DLC1: variants seen among roughly 807,000 people sequenced by gnomAD.
DLC1 encodes the protein DLC1 Rho GTPase activating protein, also known as rho GTPase-activating protein 7.
DLC1 carries 54 observed loss-of-function variants against 140.3 expected under a neutral mutation model. That is an observed-to-expected ratio of 0.38 (90% confidence interval 0.31 to 0.48). The LOEUF is 0.48. DLC1 is among the 20% of genes least tolerant of loss of function. DLC1 has a pLI of 0.96. For synonymous variants in DLC1, 986 were observed against 728.1 expected (o/e 1.35, Z -5.70); for missense variants, 2,536 against 1,907.0 (o/e 1.33, Z -6.14).
intron 5 of DLC1, among the ~76,000 whole-genome samples, chr8:13,156,864 A>T (rs991530845): frequency 1.1e-4 from 17 of 152,202 alleles, no homozygotes; most frequent in Non-Finnish European, 2.9e-5. Context: ...GTTAAAGTCA[A>T]TGTATATTTT....
chr8:13,372,682 G>A lies in DLC1; in HGVS notation c.1314+20871C>T, dbSNP rs371452077. 2.6e-5 allele frequency among the ~76,000 whole-genome samples: 4 copies of A among 152,176 alleles called. No homozygotes were observed. The East Asian group carries it at 5.8e-4, about 22-fold the overall frequency. On this transcript the variant is annotated intron_variant, in intron 4 of 17. Coordinates refer to ENST00000276297, the MANE Select transcript of DLC1 (RefSeq NM_182643.3). Reference sequence around the variant, plus strand: ...CATCTTTGTGAGTAAAAAGGAACACGTCATTGATAGTGGAAAGTTCAAGGC... The same window carrying A: ...CATCTTTGTGAGTAAAAAGGAACACATCATTGATAGTGGAAAGTTCAAGGC...
chr8:13,382,609 T>C (rs907027213), intron 4 of DLC1, among the ~76,000 whole-genome samples: 28 of 151,318 alleles, frequency 1.9e-4, no homozygotes, highest in Non-Finnish European at 3.7e-4. Context: ...AAATAAAACT[T>C]TGTTTCTTCA....
At chr8:13,167,344 T>C (rs557000974) in intron 5 of DLC1, among the ~76,000 whole-genome samples, 2 of 152,164 alleles carry the variant, frequency 1.3e-5, no homozygotes, top group South Asian at 4.2e-4. Context: ...ATATGAGGGG[T>C]TTGGGGACTC....
chr8:13,525,103 C>A (rs1166270052), intron 1 of DLC1, among the ~76,000 whole-genome samples: 2 of 152,068 alleles, frequency 1.3e-5, no homozygotes, highest in African/African-American at 4.8e-5. Flanking sequence ...ATGTATGTAC[C>A]TTTTGTGGCT....
At chr8:13,381,044 G>T (rs936492986) in intron 4 of DLC1, among the ~76,000 whole-genome samples, 14 of 152,166 alleles carry the variant, frequency 9.2e-5, no homozygotes, top group African/African-American at 3.1e-4. Context: ...AGACATGGAG[G>T]GCTTGACATG....
At chr8:13,197,884 A>T (rs760325132) in intron 5 of DLC1, among the ~76,000 whole-genome samples, 4 of 152,098 alleles carry the variant, frequency 2.6e-5, no homozygotes, top group Non-Finnish European at 5.9e-5. Context: ...ATTAGTTTAA[A>T]CTTCTTTTTG....
intron 2 of DLC1, among the ~76,000 whole-genome samples, chr8:13,409,529 A>T (rs1263553232): frequency 6.6e-6 from 1 of 152,180 alleles, no homozygotes; most frequent in Non-Finnish European, 1.5e-5. Context: ...ACAATATTGC[A>T]TTGGACCTAC....
At chr8:13,436,884 T>C (rs1244895708) in intron 2 of DLC1, among the ~76,000 whole-genome samples, 1 of 152,342 alleles carries the variant, frequency 6.6e-6, no homozygotes, top group East Asian at 1.9e-4. Context: ...GTCTAATTTG[T>C]AGCAATGGAA....
chr8:13,121,654 C>T (rs1467842789), intron 5 of DLC1, among the ~76,000 whole-genome samples: 2 of 152,000 alleles, frequency 1.3e-5, no homozygotes, highest in Non-Finnish European at 2.9e-5. Context: ...GCTCAAGAAA[C>T]CCTCCTGCCT....
At chr8:13,281,732 G>A (rs1209112995) in intron 5 of DLC1, among the ~76,000 whole-genome samples, 1 of 152,186 alleles carries the variant, frequency 6.6e-6, no homozygotes, top group Non-Finnish European at 1.5e-5. Context: ...TATATGGGAA[G>A]AGGCTGCAAT....
chr8:13,181,051 T>C (rs1826001698), intron 5 of DLC1, among the ~76,000 whole-genome samples: 1 of 152,150 alleles, frequency 6.6e-6, no homozygotes, highest in African/African-American at 2.4e-5. Flanking sequence ...AATATATATG[T>C]ATCTACCACT....
At chr8:13,454,290 G>A (rs1395019870) in intron 2 of DLC1, among the ~76,000 whole-genome samples, 2 of 150,814 alleles carry the variant, frequency 1.3e-5, no homozygotes, top group Non-Finnish European at 3.0e-5. Flanking sequence ...AAATGAAGAA[G>A]CAGTTGGAAA....
intron 5 of DLC1, among the ~76,000 whole-genome samples, chr8:13,144,723 C>A (rs776611301): frequency 6.6e-6 from 1 of 152,156 alleles, no homozygotes; most frequent in Admixed American, 6.5e-5. Context: ...CGAGATTGCA[C>A]CACTGCACTC....
intron 2 of DLC1, among the ~76,000 whole-genome samples, chr8:13,406,184 T>TTTTTTTTTG (rs1563321191): frequency 8.1e-6 from 1 of 124,032 alleles, no homozygotes; most frequent in East Asian, 3.3e-4. Context: ...TTTTTGTGTT[T>TTTTTTTTTG]TTTTTTTTTT....
chr8:13,491,018 GAA>G, intron 2 of DLC1, among the ~76,000 whole-genome samples: 1 of 146,072 alleles, frequency 6.8e-6, no homozygotes, highest in African/African-American at 2.5e-5. Context: ...TATAAATTCA[GAA>G]TATATATATA....
chr8:13,084,748 G>A lies in DLC1; in HGVS notation c.*1063C>T, dbSNP rs1817415531. On this transcript the variant is annotated 3_prime_UTR_variant, in exon 18 of 18. Coordinates refer to ENST00000276297, the MANE Select transcript of DLC1 (RefSeq NM_182643.3). ...GGAATGCCGTTAACAACCAAAGGCG[G>A]GGAAAAAGCCTTTTGTAGGTGAGTT... 6.6e-6 allele frequency: 1 copy of A among 152,140 alleles called. No individual in the cohort carries two copies. The highest frequency in any genetic ancestry group is 1.5e-5 in the Non-Finnish European group (1 of 68,018). 9.4% of individuals were successfully genotyped at this position (152,140 alleles called of 1,614,324 possible). A position where few individuals can be genotyped will look rare whatever the true frequency, so the allele number is the denominator to read the frequency against.
chr8:13,534,370 A>G (rs1032453901), intron 1 of DLC1, among the ~76,000 whole-genome samples: 4 of 152,148 alleles, frequency 2.6e-5, no homozygotes, highest in Admixed American at 6.5e-5. Flanking sequence ...ACTTAAGTAC[A>G]CACACACCCC....
At chr8:13,158,581 T>C (rs1159375309) in intron 5 of DLC1, among the ~76,000 whole-genome samples, 1 of 152,158 alleles carries the variant, frequency 6.6e-6, no homozygotes, top group African/African-American at 2.4e-5. Flanking sequence ...TCTTGTGATA[T>C]CTGTGAAGCT....
At chr8:13,576,458 G>A (rs1413084770) in intron 1 of DLC1, among the ~76,000 whole-genome samples, 1 of 152,120 alleles carries the variant, frequency 6.6e-6, no homozygotes, top group African/African-American at 2.4e-5. Context: ...TAATGAGAAT[G>A]TAAACATCGA....
Sources: gnomAD v4.1 joint callset for allele counts (sites outside exome capture counted in the v4.1 genomes callset) on GRCh38, gnomAD v4.1.1 for gene constraint, MANE v1.5 for transcripts, NCBI Gene and HGNC (gene_info 2026-07-23, HGNC 2026-07-21) for gene names.